The following LRMDA variants were observed in gnomAD, a reference collection of about 807,000 sequenced individuals.
LRMDA encodes the protein leucine rich melanocyte differentiation associated, also known as leucine-rich melanocyte differentiation-associated protein.
In LRMDA, 18 loss-of-function variants were observed where a neutral mutation model predicts 29.8. That is an observed-to-expected ratio of 0.60 (90% confidence interval 0.42 to 0.90). LRMDA has a LOEUF of 0.90. Ranked by LOEUF, LRMDA falls within the 40% of genes least tolerant of loss-of-function variation. LRMDA has a pLI of 0.00. For missense variants in LRMDA, 273 were observed against 273.9 expected (o/e 1.00, Z 0.02); for synonymous variants, 125 against 109.4 (o/e 1.14, Z -0.89).
chr10:76,443,432 C>T (rs1299805191), intron 6 of LRMDA, among the ~76,000 whole-genome samples: 1 of 152,156 alleles, frequency 6.6e-6, no homozygotes, highest in African/African-American at 2.4e-5. Context: ...TTTAGTTTAG[C>T]ACTTTGCTGA....
chr10:76,029,936 C>A (rs115320864), intron 2 of LRMDA, among the ~76,000 whole-genome samples: 1 of 152,080 alleles, frequency 6.6e-6, no homozygotes, highest in Non-Finnish European at 1.5e-5. Context: ...CGCTCTGTTG[C>A]CCAGGCTGGA....
At chr10:76,032,877 G>A (rs745929101) in intron 2 of LRMDA, among the ~76,000 whole-genome samples, 13 of 152,096 alleles carry the variant, frequency 8.5e-5, no homozygotes, top group East Asian at 3.9e-4. Flanking sequence ...GACAGTTGGC[G>A]TCTCCACCGG....
chr10:75,970,455 T>C (rs1028913613), intron 2 of LRMDA, among the ~76,000 whole-genome samples: 1 of 152,246 alleles, frequency 6.6e-6, no homozygotes, highest in African/African-American at 2.4e-5. Context: ...GGATTTCATT[T>C]GGGGGAAAAG....
intron 2 of LRMDA, among the ~76,000 whole-genome samples, chr10:75,528,431 C>T (rs565190093): frequency 6.6e-6 from 1 of 152,338 alleles, no homozygotes; most frequent in East Asian, 1.9e-4. Context: ...CAAACATACA[C>T]ATAGTGGATT....
chr10:75,672,520 CTT>C (rs1491307230), intron 2 of LRMDA, among the ~76,000 whole-genome samples: 4 of 26,396 alleles, frequency 1.5e-4, no homozygotes, highest in East Asian at 3.6e-3. Context: ...TTTTTCTTTT[CTT>C]TTCCTCCCCT....
intron 2 of LRMDA, among the ~76,000 whole-genome samples, chr10:75,626,889 C>T (rs1476472253): frequency 6.6e-6 from 1 of 152,204 alleles, no homozygotes; most frequent in Non-Finnish European, 1.5e-5. Context: ...ACAGCCCCAT[C>T]TTGGGTGGAC....
chr10:75,945,063 T>C (rs1846454282), intron 2 of LRMDA, among the ~76,000 whole-genome samples: 1 of 152,190 alleles, frequency 6.6e-6, no homozygotes, highest in South Asian at 2.1e-4. Context: ...TTTATTGTTG[T>C]GTCCTGGACA....
chr10:75,864,162 G>A (rs534503638), intron 2 of LRMDA, among the ~76,000 whole-genome samples: 42 of 152,262 alleles, frequency 2.8e-4, no homozygotes, highest in Middle Eastern at 3.4e-3. Context: ...CTTGAGAACC[G>A]GATGAGATAA....
intron 5 of LRMDA, among the ~76,000 whole-genome samples, chr10:76,223,742 C>T (rs1015182544): frequency 1.3e-5 from 2 of 152,154 alleles, no homozygotes; most frequent in Admixed American, 1.3e-4. Context: ...GCCTCCAGAA[C>T]TGTGAGAAAA....
intron 6 of LRMDA, among the ~76,000 whole-genome samples, chr10:76,378,858 C>CTTTTTTTTTTTTTTTTTTTTTTTTTT (rs144037195): frequency 5.0e-5 from 6 of 118,966 alleles, no homozygotes; most frequent in African/African-American, 9.8e-5. Context: ...CTTTTTTTTT[C>CTTTTTTTTTTTTTTTTTTTTTTTTTT]TTTTTTTTTT....
At chr10:76,384,504 C>G (rs962993110) in intron 6 of LRMDA, among the ~76,000 whole-genome samples, 1 of 152,172 alleles carries the variant, frequency 6.6e-6, no homozygotes, top group African/African-American at 2.4e-5. Context: ...CTTTCTGCTC[C>G]AACTGTCTGC....
chr10:76,224,557 G>A (rs939275645), intron 5 of LRMDA, among the ~76,000 whole-genome samples: 5 of 151,160 alleles, frequency 3.3e-5, no homozygotes, highest in South Asian at 2.1e-4. Context: ...GGGCAACAGA[G>A]CCAGACCCTG....
chr10:76,524,798 A>G (rs961158878), intron 6 of LRMDA, among the ~76,000 whole-genome samples: 1 of 152,248 alleles, frequency 6.6e-6, no homozygotes, highest in African/African-American at 2.4e-5. Flanking sequence ...ATCTCGCTGG[A>G]CAAAAACAGG....
intron 2 of LRMDA, among the ~76,000 whole-genome samples, chr10:75,681,035 A>G (rs1842016630): frequency 6.6e-6 from 1 of 152,206 alleles, no homozygotes; most frequent in Non-Finnish European, 1.5e-5. Context: ...TCAGACCACT[A>G]TAGATTTATC....
At chr10:76,166,560 A>C (rs905090803) in intron 5 of LRMDA, among the ~76,000 whole-genome samples, 5 of 152,166 alleles carry the variant, frequency 3.3e-5, no homozygotes, top group Non-Finnish European at 7.4e-5. Context: ...ATCAGTAAGA[A>C]CATGTGATAT....
intron 2 of LRMDA, among the ~76,000 whole-genome samples, chr10:75,638,329 A>T (rs1321172204): frequency 6.6e-6 from 1 of 152,172 alleles, no homozygotes; most frequent in Non-Finnish European, 1.5e-5. Flanking sequence ...TTTGCTTCCC[A>T]GGTTTCCTTC....
chr10:76,404,345 T>G (rs1841880537), intron 6 of LRMDA, among the ~76,000 whole-genome samples: 1 of 152,132 alleles, frequency 6.6e-6, no homozygotes, highest in South Asian at 2.1e-4. Context: ...TTTTTAAATG[T>G]CTGTGTGTGA....
chr10:76,198,977 T>C (rs1851379690), intron 5 of LRMDA, among the ~76,000 whole-genome samples: 1 of 152,210 alleles, frequency 6.6e-6, no homozygotes. Flanking sequence ...TATGGCTCTG[T>C]TGTGCTTTTT....
rs552812689 is a variant in LRMDA, at chr10:76,515,503, G to A, written c.602-41706G>A. On this transcript the variant is annotated intron_variant, in intron 6 of 6. Transcript: ENST00000611255. ...GGTAGATTAGACACTCTGAATACAC[G>A]TCTTTTTTTCTCTTTTTTTTGAGAC... Among the ~76,000 whole-genome samples the A allele has an allele frequency of 3.9e-5, 6 of 152,032 alleles. No individual in the cohort carries two copies. The South Asian group carries it at 1.0e-3, about 26-fold the overall frequency.
Sources: gnomAD v4.1 joint callset for allele counts (sites outside exome capture counted in the v4.1 genomes callset) on GRCh38, gnomAD v4.1.1 for gene constraint, MANE v1.5 for transcripts, NCBI Gene and HGNC (gene_info 2026-07-23, HGNC 2026-07-21) for gene names.